CPS1: variants seen among roughly 807,000 people sequenced by gnomAD.
CPS1 encodes the protein carbamoyl-phosphate synthase 1.
Under a neutral mutation model 174.6 loss-of-function variants are expected in CPS1, and 109 were observed. That is an observed-to-expected ratio of 0.62 (90% CI 0.53 to 0.73). The LOEUF (loss-of-function observed/expected upper bound fraction) is 0.73, where lower values mean the gene tolerates loss of function less well. Among genes scored for constraint, CPS1 ranks in the 30% least tolerant of loss-of-function variants. The probability of loss-of-function intolerance (pLI) is 0.00; values close to 1 mark genes in which losing one functional copy is unlikely to be tolerated. For missense variants in CPS1, 1,689 were observed against 1,821.9 expected, an observed-to-expected ratio of 0.93 and a Z score of 1.33; for synonymous variants, 637 against 632.0, an observed-to-expected ratio of 1.01 and a Z score of -0.12.
At chr2:210,656,692 G>GTT in intron 30 of CPS1, 60 bp downstream of exon 30, 11 of 1,132,274 alleles carry the variant, frequency 9.7e-6, no homozygotes, top group African/African-American at 1.8e-5. Context: ...AAACACCTAA[G>GTT]GTTTTTTTTT....
chr2:210,546,118 G>A (rs1317356336), intron 1 of CPS1, among the ~76,000 whole-genome samples: 1 of 152,052 alleles, frequency 6.6e-6, no homozygotes, highest in African/African-American at 2.4e-5. Context: ...CTTCTCAAGA[G>A]GGAGCTTTTG....
At chr2:210,605,032 T>A in intron 16 of CPS1, 70 bp from the exon 17 acceptor site, 1 of 1,567,938 alleles carries the variant, frequency 6.4e-7, no homozygotes, top group Non-Finnish European at 8.8e-7. Flanking sequence ...GCCAGGGTAT[T>A]TTGCCAAATA....
intron 1 of CPS1, among the ~76,000 whole-genome samples, chr2:210,543,310 A>G (rs1291173322): frequency 6.6e-6 from 1 of 152,100 alleles, no homozygotes; most frequent in South Asian, 2.1e-4. Context: ...TGGCAAATCA[A>G]TATGTTAACA....
At chr2:210,666,226 G>C (rs1559136224) in intron 33 of CPS1, among the ~76,000 whole-genome samples, 1 of 149,768 alleles carries the variant, frequency 6.7e-6, no homozygotes, top group Non-Finnish European at 1.5e-5. Context: ...CTGGATATTA[G>C]CCCTTTGTCA....
intron 21 of CPS1, among the ~76,000 whole-genome samples, chr2:210,628,811 A>C (rs1412199734): frequency 6.6e-6 from 1 of 152,054 alleles, no homozygotes; most frequent in Admixed American, 6.6e-5. Context: ...AAAAAAAAAA[A>C]AGTTATTTAT....
At position 210,605,242 on chromosome 2, in the gene CPS1, C is replaced by T. The variant is rs774879922; in HGVS notation, c.1977C>T (p.His659=). ...AAAATGTTGATGCCATGGGTGTTCA[C>T]ACAGGTAGGCAAAGTATCTTCAAGA... ...NMENVDAMGV[H]TGDSVVVAPA... Residue 659 remains histidine, a synonymous_variant, in exon 17 of 38, where the codon CAC becomes CAT. Transcript: ENST00000233072. The T allele has an allele frequency of 1.9e-6, 3 of 1,611,688 alleles. No homozygotes were observed. The Admixed American group carries it at 5.0e-5, about 27-fold the overall frequency.
Position 210,648,076 on chromosome 2 carries a change from A to G in CPS1, c.3336+19A>G, listed in dbSNP as rs1270412185. 1 of 1,611,684 alleles carries G rather than the reference A, an allele frequency of 6.2e-7. No individual in the cohort carries two copies. The highest frequency in any genetic ancestry group is 1.7e-5 in the Admixed American group (1 of 59,950). On this transcript the variant is annotated intron_variant, in intron 26 of 37. Transcript: ENST00000233072. ...TACTTTGGTAAGGAGAGAAACAAGT[A>G]TCTGTTTCTAATGTTCTATTTTGAA... is the stretch of plus-strand genomic sequence containing the variant.
chr2:210,479,517 C>T (rs536126483), intron 1 of CPS1, among the ~76,000 whole-genome samples: 7 of 152,018 alleles, frequency 4.6e-5, no homozygotes, highest in South Asian at 2.1e-4. Flanking sequence ...TCAGTAGAGA[C>T]GGGGTTTCAC....
intron 1 of CPS1, among the ~76,000 whole-genome samples, chr2:210,495,509 A>G (rs1328442103): frequency 6.6e-6 from 1 of 152,220 alleles, no homozygotes; most frequent in African/African-American, 2.4e-5. Flanking sequence ...AAATAAAAAC[A>G]GTGTCAGTAC....
intron 21 of CPS1, among the ~76,000 whole-genome samples, chr2:210,626,861 G>A (rs914556688): frequency 2.6e-5 from 4 of 152,076 alleles, no homozygotes; most frequent in Non-Finnish European, 4.4e-5. Context: ...TATATCTCCG[G>A]TGACCTTAAA....
chr2:210,642,777 A>G (rs1700270776), intron 25 of CPS1, 112 bp downstream of exon 25: 1 of 1,004,196 alleles, frequency 1.0e-6, no homozygotes, highest in Non-Finnish European at 1.5e-6. Context: ...CTCTTAGAAG[A>G]AAGGGCTGCC....
chr2:210,533,800 A>G (rs564543618), intron 1 of CPS1, among the ~76,000 whole-genome samples: 20 of 152,316 alleles, frequency 1.3e-4, no homozygotes, highest in Non-Finnish European at 2.4e-4. Context: ...CTGAGGGATC[A>G]TGCACCAGAC....
intron 1 of CPS1, among the ~76,000 whole-genome samples, chr2:210,477,939 T>G (rs908620586): frequency 6.6e-6 from 1 of 152,246 alleles, no homozygotes; most frequent in Non-Finnish European, 1.5e-5. Context: ...ATTACTGTTG[T>G]TAAGCAAGGC....
intron 1 of CPS1, among the ~76,000 whole-genome samples, chr2:210,547,126 A>G (rs904978998): frequency 6.6e-6 from 1 of 152,172 alleles, no homozygotes; most frequent in Non-Finnish European, 1.5e-5. Context: ...GCTGAGCCAA[A>G]GAATTTACAT....
rs140214511 is a variant in CPS1, at chr2:210,515,864, T to G, written c.3+38098T>G. Among the ~76,000 whole-genome samples, 107 of 151,988 alleles carry G rather than the reference T, an allele frequency of 7.0e-4. 3 individuals are homozygous for G. The East Asian group carries it at 0.014, about 21-fold the overall frequency. On this transcript the variant is annotated intron_variant, in intron 1 of 38. Transcript: ENST00000430249. ...CTATAATCTTTTGTCATAACATTGC[T>G]TTTGCTGCATCACAGAGATTTTGCT...
At chr2:210,482,937 G>T (rs1694613046) in intron 1 of CPS1, among the ~76,000 whole-genome samples, 4 of 152,140 alleles carry the variant, frequency 2.6e-5, no homozygotes, top group African/African-American at 9.7e-5. Context: ...GTCAATTAGG[G>T]TTCTTAATGC....
At chr2:210,601,666 A>G (rs1574576595) in intron 15 of CPS1, among the ~76,000 whole-genome samples, 1 of 151,992 alleles carries the variant, frequency 6.6e-6, no homozygotes. Context: ...ACAGAAAAAT[A>G]TAGCCACCAT....
At chr2:210,666,586 C>G (rs184014482) in intron 33 of CPS1, among the ~76,000 whole-genome samples, 2,088 of 152,262 alleles carry the variant, frequency 0.014, 48 homozygotes, top group African/African-American at 0.047. Flanking sequence ...AATAGGGAAT[C>G]CTTTCCCCAT....
intron 1 of CPS1, among the ~76,000 whole-genome samples, chr2:210,499,160 A>G (rs1055260694): frequency 2.0e-5 from 3 of 152,138 alleles, no homozygotes; most frequent in African/African-American, 4.8e-5. Context: ...CTGCTGTACC[A>G]TGATCTCTGC....
Sources: gnomAD v4.1 joint callset for allele counts (sites outside exome capture counted in the v4.1 genomes callset) on GRCh38, gnomAD v4.1.1 for gene constraint, MANE v1.5 for transcripts, NCBI Gene and HGNC (gene_info 2026-07-23, HGNC 2026-07-21) for gene names.